XPO6: variants seen among roughly 807,000 people sequenced by gnomAD.
XPO6 encodes the protein exportin 6.
A neutral mutation model predicts 130.0 loss-of-function variants in XPO6; 3 were observed. The observed-to-expected ratio is 0.02, with a 90% CI of 0.01 to 0.06. The LOEUF is 0.06. XPO6 is among the 10% of genes least tolerant of loss of function. The pLI is 1.00. For missense variants in XPO6, 970 were observed against 1,393.0 expected (o/e 0.70, Z 4.83); for synonymous variants, 524 against 548.9 (o/e 0.95, Z 0.63).
chr16:28,143,670 T>G lies in XPO6; in HGVS notation c.1334+2424A>C, dbSNP rs115114102. Among the ~76,000 whole-genome samples the G allele has an allele frequency of 2.1e-3, 316 of 152,308 alleles. 2 individuals carry two copies. The highest frequency in any genetic ancestry group is 6.7e-3 in the African/African-American group (278 of 41,564). ...TTTTTGTTTTTTTAAACAGTCTCAT[T>G]CTGTCGCCTAGGCTGGAGTCCAGTG... On this transcript the variant is annotated intron_variant, in intron 9 of 23. Coordinates refer to ENST00000304658, the MANE Select transcript of XPO6 (RefSeq NM_015171.4).
At position 28,190,196 on chromosome 16, in the gene XPO6, T is replaced by TG. The variant is rs2043762964; in HGVS notation, c.4-9166dup. Reference sequence around the variant, plus strand: ...ACAAGACTCATCAATCAGCTACCAATGGAGAGGTGCACCAGTTTCTTTCTT... The same window carrying TG: ...ACAAGACTCATCAATCAGCTACCAATGGGAGAGGTGCACCAGTTTCTTTCTT... On this transcript the variant is annotated intron_variant, in intron 1 of 23. Coordinates refer to ENST00000304658, the MANE Select transcript of XPO6 (RefSeq NM_015171.4). Among the ~76,000 whole-genome samples the TG allele has an allele frequency of 3.3e-5, 5 of 151,816 alleles. No homozygotes were observed. In the East Asian group the frequency reaches 9.7e-4, roughly 29 times the overall value.
chr16:28,148,680 TCAA>T (rs2043027820), intron 8 of XPO6, among the ~76,000 whole-genome samples: 1 of 152,058 alleles, frequency 6.6e-6, no homozygotes, highest in Admixed American at 6.6e-5. Context: ...AAACCAAGGC[TCAA>T]AAGTCAAGTC....
At chr16:28,147,390 C>T (rs747410698) in intron 8 of XPO6, among the ~76,000 whole-genome samples, 4 of 149,306 alleles carry the variant, frequency 2.7e-5, no homozygotes, top group Non-Finnish European at 5.9e-5. Context: ...TAGTGAGACT[C>T]GGTGTGTATA....
chr16:28,175,504 C>G (rs1394093419), intron 4 of XPO6, among the ~76,000 whole-genome samples: 1 of 152,186 alleles, frequency 6.6e-6, no homozygotes, highest in African/African-American at 2.4e-5. Context: ...TGCTATGCCA[C>G]CATAGCACTC....
chr16:28,171,023 C>G (rs771211194), intron 4 of XPO6, among the ~76,000 whole-genome samples: 13 of 150,674 alleles, frequency 8.6e-5, no homozygotes, highest in Non-Finnish European at 1.5e-4. Flanking sequence ...AAAAGCACTT[C>G]AAGTTTTTCC....
intron 6 of XPO6, among the ~76,000 whole-genome samples, chr16:28,157,171 T>A (rs2043196992): frequency 6.6e-6 from 1 of 152,156 alleles, no homozygotes; most frequent in Non-Finnish European, 1.5e-5. Flanking sequence ...GATTTTCTAA[T>A]CAAGGCTGGG....
chr16:28,129,113 A>G (rs2042618042), intron 12 of XPO6, among the ~76,000 whole-genome samples: 1 of 152,216 alleles, frequency 6.6e-6, no homozygotes, highest in Non-Finnish European at 1.5e-5. Context: ...TGACCCAACA[A>G]AACTGCAATT....
intron 12 of XPO6, among the ~76,000 whole-genome samples, chr16:28,127,646 G>A (rs1253476048): frequency 6.6e-6 from 1 of 152,216 alleles, no homozygotes; most frequent in Non-Finnish European, 1.5e-5. Flanking sequence ...CAAAGCACGT[G>A]GCAAATGAAG....
chr16:28,122,614 CTGTT>C (rs771657935), intron 13 of XPO6, among the ~76,000 whole-genome samples: 57 of 151,964 alleles, frequency 3.8e-4, no homozygotes, highest in Middle Eastern at 6.8e-3. Flanking sequence ...GACCAAAATC[CTGTT>C]TGTTTGTTTT....
intron 12 of XPO6, among the ~76,000 whole-genome samples, chr16:28,131,370 G>A (rs1053923679): frequency 6.6e-6 from 1 of 152,168 alleles, no homozygotes; most frequent in Non-Finnish European, 1.5e-5. Flanking sequence ...CACACTGGGC[G>A]GCTCTGTGCT....
At chr16:28,167,075 A>C in intron 5 of XPO6, 1 of 935,536 alleles carries the variant, frequency 1.1e-6, no homozygotes, top group Non-Finnish European at 1.3e-6. Flanking sequence ...TTCTCCTCTC[A>C]TTTCACTCTC....
Position 28,159,221 on chromosome 16 carries a change from A to G in XPO6, c.644-2694T>C, listed in dbSNP as rs143270800. ...ACTCCAGCCTGGGTGACAGAGCAAG[A>G]CTCTGTCTTTAAAAAAAGAAAAAAG... is the stretch of plus-strand genomic sequence containing the variant. On this transcript the variant is annotated intron_variant, in intron 6 of 23. Coordinates refer to ENST00000304658, the MANE Select transcript of XPO6 (RefSeq NM_015171.4). Among the ~76,000 whole-genome samples, 689 of 151,944 alleles carry G rather than the reference A, an allele frequency of 4.5e-3. 7 individuals are homozygous for G. The highest frequency in any genetic ancestry group is 0.016 in the African/African-American group (669 of 41,414).
At chr16:28,200,153 T>C (rs1472997707) in intron 1 of XPO6, among the ~76,000 whole-genome samples, 6 of 148,738 alleles carry the variant, frequency 4.0e-5, no homozygotes, top group Admixed American at 6.7e-5. Flanking sequence ...GGAGACTCTA[T>C]CTCAAAAAAA....
intron 1 of XPO6, among the ~76,000 whole-genome samples, chr16:28,208,602 C>T (rs1303669102): frequency 6.6e-6 from 1 of 152,170 alleles, no homozygotes; most frequent in Middle Eastern, 3.2e-3. Flanking sequence ...TGACTTGCAA[C>T]GTACCTCAGA....
rs1399458517 is a variant in XPO6, at chr16:28,106,422, G to A, written c.2573C>T (p.Thr858Ile). The change falls in exon 19 of 24, where the codon ACT (threonine) becomes ATT (isoleucine). Residue 858 changes from threonine to isoleucine, a missense_variant. Thr to Ile is a moderately conservative substitution (Grantham distance 89). Transcript: ENST00000304658. This position sits in a 1 kb window ranked among gnomAD's most constrained non-coding sequence, Gnocchi z 4.2. ...GLRVQMGVPF[T>I]EQIIQTFLNM... ...GAGGAAAGTCTGTATGATTTGCTCAGTGAAAGGCACACCCATCTGTACTCT... is the reference window on the plus strand; with the variant it reads ...GAGGAAAGTCTGTATGATTTGCTCAATGAAAGGCACACCCATCTGTACTCT... The A allele has an allele frequency of 6.2e-6, 10 of 1,614,118 alleles. No individual in the cohort carries two copies. The highest frequency in any genetic ancestry group is 8.5e-6 in the Non-Finnish European group (10 of 1,180,058).
At chr16:28,188,889 G>A (rs991601383) in intron 1 of XPO6, among the ~76,000 whole-genome samples, 5 of 152,056 alleles carry the variant, frequency 3.3e-5, no homozygotes, top group African/African-American at 9.7e-5. Context: ...ACGACATTCA[G>A]AACAATGCTT....
chr16:28,126,690 G>A lies in XPO6; in HGVS notation c.1607-842C>T, dbSNP rs180866907. 2.4e-4 allele frequency: 36 copies of A among 152,158 alleles called. No homozygotes were observed. The East Asian group carries it at 6.4e-3, about 27-fold the overall frequency. 9.4% of individuals were successfully genotyped at this position (152,158 alleles called of 1,614,324 possible). A position where few individuals can be genotyped will look rare whatever the true frequency, so the allele number is the denominator to read the frequency against. On this transcript the variant is annotated intron_variant, in intron 12 of 23. Coordinates refer to ENST00000304658, the MANE Select transcript of XPO6 (RefSeq NM_015171.4). ...AGGACAAAACATCCTCCCTTGATTC[G>A]GTCACTTCCTTGGTTTTTGGATCCC...
Position 28,098,414 on chromosome 16 carries a change from C to T in XPO6, c.*124G>A, listed in dbSNP as rs1434978851. 8.9e-6 allele frequency: 7 copies of T among 787,162 alleles called. No individual in the cohort carries two copies. Among genetic ancestry groups the T allele is most frequent in the South Asian group, 5.2e-5 (3 of 57,964 alleles). The allele number at this position is 787,162 out of a possible 1,614,324, so 48.8% of individuals were successfully genotyped here. A position where few individuals can be genotyped will look rare whatever the true frequency, so the allele number is the denominator to read the frequency against. On this transcript the variant is annotated 3_prime_UTR_variant, in exon 24 of 24. Transcript: ENST00000304658. ...GTGGAGGAGCGGCAGAGGCAGGCAGCGTTGCTTGCGGTGGGAGAAGCCAAG... is the reference window on the plus strand; with the variant it reads ...GTGGAGGAGCGGCAGAGGCAGGCAGTGTTGCTTGCGGTGGGAGAAGCCAAG...
chr16:28,153,330 T>C (rs1017258155), intron 7 of XPO6: 1 of 985,620 alleles, frequency 1.0e-6, no homozygotes, highest in Admixed American at 6.1e-5. Flanking sequence ...TAAAAGTGAT[T>C]TCAAATATAA....
Sources: allele counts gnomAD v4.1 joint callset (sites outside exome capture counted in the v4.1 genomes callset), GRCh38; gene constraint gnomAD v4.1.1; non-coding constraint Gnocchi (gnomAD v3.1); transcripts MANE v1.5; gene names NCBI Gene and HGNC (gene_info 2026-07-23, HGNC 2026-07-21).